The following NOS1AP variants were observed in gnomAD, a reference collection of about 807,000 sequenced individuals.
NOS1AP encodes nitric oxide synthase 1 adaptor protein, also known as carboxyl-terminal PDZ ligand of neuronal nitric oxide synthase protein.
NOS1AP carries 21 observed loss-of-function variants against 56.2 expected under a neutral mutation model. That is an observed-to-expected ratio of 0.37 (90% confidence interval 0.26 to 0.54). NOS1AP has a LOEUF of 0.54. NOS1AP is among the 20% of genes least tolerant of loss of function. NOS1AP has a pLI of 0.84. For missense variants in NOS1AP, 522 were observed against 657.8 expected (o/e 0.79, Z 2.26); for synonymous variants, 270 against 274.6 (o/e 0.98, Z 0.17).
intron 4 of NOS1AP, among the ~76,000 whole-genome samples, chr1:162,332,213 A>C (rs569337996): frequency 6.6e-6 from 1 of 152,260 alleles, no homozygotes; most frequent in South Asian, 2.1e-4. Context: ...GGTTTGGCCC[A>C]GGTGTCTCAG....
chr1:162,080,627 G>A (rs536601530), intron 1 of NOS1AP, among the ~76,000 whole-genome samples: 3 of 152,164 alleles, frequency 2.0e-5, no homozygotes, highest in Admixed American at 6.5e-5. Flanking sequence ...CATGAGAAGT[G>A]CTGTTTGCAT....
chr1:162,106,627 T>G (rs1464296524), intron 1 of NOS1AP, among the ~76,000 whole-genome samples: 1 of 152,210 alleles, frequency 6.6e-6, no homozygotes, highest in South Asian at 2.1e-4. Context: ...CACAAATGGC[T>G]TATAATACTA....
chr1:162,167,830 C>A (rs1228749920), intron 2 of NOS1AP, among the ~76,000 whole-genome samples: 5 of 152,174 alleles, frequency 3.3e-5, no homozygotes, highest in Non-Finnish European at 7.4e-5. Context: ...TTGAATTGCT[C>A]CGGGCATATG....
chr1:162,358,657 A>G (rs1657780169), intron 8 of NOS1AP, among the ~76,000 whole-genome samples: 1 of 152,246 alleles, frequency 6.6e-6, no homozygotes. Context: ...GTGACAGTTG[A>G]CAGGAGCACA....
Position 162,262,270 on chromosome 1 carries a change from T to G in NOS1AP, c.178-25074T>G, listed in dbSNP as rs188268064. Among the ~76,000 whole-genome samples, 8 of 152,328 alleles carry G rather than the reference T, an allele frequency of 5.3e-5. No individual in the cohort carries two copies. In the East Asian group the frequency reaches 1.4e-3, roughly 26 times the overall value. ...AGAGAAGCATCACTTACTATAAATA[T>G]AAGCTAGAGAGATAACAAATTAGTG... On this transcript the variant is annotated intron_variant, in intron 2 of 9. Transcript: ENST00000361897.
intron 1 of NOS1AP, among the ~76,000 whole-genome samples, chr1:162,078,358 C>A (rs74127546): frequency 0.029 from 4,373 of 152,272 alleles, 189 homozygotes; most frequent in African/African-American, 0.1. Flanking sequence ...ATGGGCCTGA[C>A]ACTTTAAAGT....
intron 4 of NOS1AP, among the ~76,000 whole-genome samples, chr1:162,303,603 A>C (rs1479057746): frequency 6.6e-6 from 1 of 151,976 alleles, no homozygotes; most frequent in Non-Finnish European, 1.5e-5. Flanking sequence ...CATCACACCC[A>C]GCTAATTTTT....
chr1:162,218,843 C>T (rs767257968), intron 2 of NOS1AP, among the ~76,000 whole-genome samples: 9 of 152,130 alleles, frequency 5.9e-5, no homozygotes, highest in East Asian at 1.9e-4. Flanking sequence ...CTGGGTACTA[C>T]GGCTTCCACC....
chr1:162,274,324 G>C (rs1654674491), intron 2 of NOS1AP, among the ~76,000 whole-genome samples: 1 of 152,118 alleles, frequency 6.6e-6, no homozygotes. Context: ...TGGTTTATTT[G>C]GGGGAACTTA....
chr1:162,152,021 C>A (rs955700907), intron 1 of NOS1AP, among the ~76,000 whole-genome samples: 7 of 152,094 alleles, frequency 4.6e-5, no homozygotes, highest in Admixed American at 2.0e-4. Context: ...AAGCCTTGTC[C>A]AAAACTCGAA....
intron 6 of NOS1AP, among the ~76,000 whole-genome samples, chr1:162,348,134 G>T (rs1276616453): frequency 6.6e-6 from 1 of 152,198 alleles, no homozygotes; most frequent in Non-Finnish European, 1.5e-5. Flanking sequence ...GTAAAGACTT[G>T]TTGAATAAAC....
chr1:162,294,146 G>C (rs1311720703), intron 3 of NOS1AP, among the ~76,000 whole-genome samples: 1 of 147,360 alleles, frequency 6.8e-6, no homozygotes, highest in Non-Finnish European at 1.5e-5. Flanking sequence ...GAGTGCAAGA[G>C]AGAGGGGAAG....
At chr1:162,244,404 C>A (rs1007823902) in intron 2 of NOS1AP, among the ~76,000 whole-genome samples, 7 of 152,112 alleles carry the variant, frequency 4.6e-5, no homozygotes, top group African/African-American at 1.7e-4. Context: ...AGGACTGCTC[C>A]AAGTTCTATG....
chr1:162,171,422 G>T (rs955062314), intron 2 of NOS1AP, among the ~76,000 whole-genome samples: 1 of 152,144 alleles, frequency 6.6e-6, no homozygotes, highest in Non-Finnish European at 1.5e-5. Context: ...TGCTCATCAT[G>T]GTCTTGTATT....
intron 2 of NOS1AP, among the ~76,000 whole-genome samples, chr1:162,183,200 C>A (rs1651320149): frequency 6.6e-6 from 1 of 152,166 alleles, no homozygotes; most frequent in Non-Finnish European, 1.5e-5. Flanking sequence ...TCTTGGGTAA[C>A]CAGGTGCATT....
Position 162,368,874 on chromosome 1 carries a change from A to G in NOS1AP, c.*1407A>G, listed in dbSNP as rs1571253339. On this transcript the variant is annotated 3_prime_UTR_variant, in exon 10 of 10. Coordinates refer to ENST00000361897, the MANE Select transcript of NOS1AP (RefSeq NM_014697.3). ...TATTGGAGGGTCAATCGGCAAGGATATGATTATCCCAAAATGGAGTTCATC... is the reference window on the plus strand; with the variant it reads ...TATTGGAGGGTCAATCGGCAAGGATGTGATTATCCCAAAATGGAGTTCATC... 6.6e-6 allele frequency: 1 copy of G among 152,262 alleles called. No individual in the cohort carries two copies. Among genetic ancestry groups the G allele is most frequent in the Admixed American group, 6.5e-5 (1 of 15,286 alleles). 9.4% of individuals were successfully genotyped at this position (152,262 alleles called of 1,614,324 possible).
rs187482198 is a variant in NOS1AP, at chr1:162,289,438, C to G, written c.270+2002C>G. 3.3e-3 allele frequency among the ~76,000 whole-genome samples: 491 copies of G among 148,994 alleles called. 4 individuals carry two copies. Among genetic ancestry groups the G allele is most frequent in the African/African-American group, 0.011 (449 of 40,162 alleles). ...TCAGCCTCCCGAGTAGCTGTGATTA[C>G]TGGCGCCTGCCACCACGCCCAGCTA... On this transcript the variant is annotated intron_variant, in intron 3 of 9. Transcript: ENST00000361897.
rs1209960241 is a variant in NOS1AP at position 162,264,461 on chromosome 1, T to TCTCCTCTCCTCTCCTCTCC, written c.178-22883_178-22882insCTCCTCTCCTCTCCTCTCC. On this transcript the variant is annotated intron_variant, in intron 2 of 9. Coordinates refer to ENST00000361897, the MANE Select transcript of NOS1AP (RefSeq NM_014697.3). ...TTCTCTTCTCTTCTCTTCTCTTCTC[T>TCTCCTCTCCTCTCCTCTCC]TCTCCTCCCCTCCCCTCCCCTCCCC... Among the ~76,000 whole-genome samples the TCTCCTCTCCTCTCCTCTCC allele has an allele frequency of 6.1e-3, 227 of 37,256 alleles. 39 individuals carry two copies. Among genetic ancestry groups the TCTCCTCTCCTCTCCTCTCC allele is most frequent in the African/African-American group, 0.047 (167 of 3,542 alleles). 24.4% of individuals were successfully genotyped at this position (37,256 alleles called of 152,430 possible).
At chr1:162,095,271 C>T in intron 1 of NOS1AP, among the ~76,000 whole-genome samples, 1 of 152,160 alleles carries the variant, frequency 6.6e-6, no homozygotes, top group Non-Finnish European at 1.5e-5. Flanking sequence ...GCGTGGTCCT[C>T]ATGAGTGGGA....
Sources: gnomAD v4.1 joint callset for allele counts (sites outside exome capture counted in the v4.1 genomes callset) on GRCh38, gnomAD v4.1.1 for gene constraint, MANE v1.5 for transcripts, NCBI Gene and HGNC (gene_info 2026-07-23, HGNC 2026-07-21) for gene names.